CEP112: variants seen among roughly 807,000 people sequenced by gnomAD.
CEP112 encodes the protein centrosomal protein of 112 kDa.
Under a neutral mutation model 153.0 loss-of-function variants are expected in CEP112, and 127 were observed. The ratio of observed to expected loss-of-function variants is 0.83; its 90% CI spans 0.72 to 0.96. The LOEUF is 0.96. Ranked by LOEUF, CEP112 falls within the 40% of genes least tolerant of loss-of-function variation. CEP112 has a pLI of 0.00. For synonymous variants in CEP112, 358 were observed against 374.4 expected (o/e 0.96, Z 0.51); for missense variants, 1,089 against 1,101.2 (o/e 0.99, Z 0.16).
intron 4 of CEP112, among the ~76,000 whole-genome samples, chr17:66,163,406 T>C (rs2071797280): frequency 6.6e-6 from 1 of 152,182 alleles, no homozygotes; most frequent in Admixed American, 6.5e-5. Context: ...CAGTCTTCTT[T>C]GGGTATATTA....
intron 24 of CEP112, among the ~76,000 whole-genome samples, chr17:65,674,030 C>T (rs2047107340): frequency 6.6e-6 from 1 of 152,136 alleles, no homozygotes; most frequent in African/African-American, 2.4e-5. Flanking sequence ...GCGTGCGCCA[C>T]CAAGCCCAGC....
chr17:66,136,172 A>G (rs1414422288), intron 4 of CEP112, among the ~76,000 whole-genome samples: 3 of 152,192 alleles, frequency 2.0e-5, no homozygotes, highest in Admixed American at 6.5e-5. Context: ...TAGCTGTGAC[A>G]GGAAAGGGTC....
chr17:65,974,709 T>C (rs1286765198), intron 17 of CEP112, among the ~76,000 whole-genome samples: 3 of 152,164 alleles, frequency 2.0e-5, no homozygotes, highest in Middle Eastern at 3.2e-3. Context: ...AAGCAATGTG[T>C]ACAAAAGTAT....
intron 16 of CEP112, among the ~76,000 whole-genome samples, chr17:66,023,333 C>T (rs561719766): frequency 6.6e-6 from 1 of 152,008 alleles, no homozygotes; most frequent in Non-Finnish European, 1.5e-5. Context: ...CATCTAGTCA[C>T]CTATTAAGAA....
chr17:65,965,719 G>C (rs775646030), intron 17 of CEP112, among the ~76,000 whole-genome samples: 3 of 151,712 alleles, frequency 2.0e-5, no homozygotes, highest in African/African-American at 4.8e-5. Flanking sequence ...ATGGGGTTTT[G>C]TCAAGTTGCC....
Position 65,721,214 on chromosome 17 carries a change from GTT to G in CEP112, c.2607+21852_2607+21853del, listed in dbSNP as rs140313674. On this transcript the variant is annotated intron_variant, in intron 23 of 26. Coordinates refer to ENST00000535342, the MANE Select transcript of CEP112 (RefSeq NM_001199165.4). Reference sequence around the variant, plus strand: ...TTTAGTAGAGACGGGGTCTCACCGTGTTAACCAGGATGGTCTCGATCTCCTGA... The same window carrying G: ...TTTAGTAGAGACGGGGTCTCACCGTGAACCAGGATGGTCTCGATCTCCTGA... 3.6e-3 allele frequency among the ~76,000 whole-genome samples: 546 copies of G among 152,204 alleles called. 5 individuals carry two copies. Among genetic ancestry groups the G allele is most frequent in the African/African-American group, 0.013 (529 of 41,538 alleles).
intron 21 of CEP112, among the ~76,000 whole-genome samples, chr17:65,847,867 A>C (rs2057784476): frequency 6.6e-6 from 1 of 152,192 alleles, no homozygotes; most frequent in Non-Finnish European, 1.5e-5. Flanking sequence ...CCATTGAAAA[A>C]ATCATGTGGA....
chr17:65,658,568 G>C (rs2046180711), intron 24 of CEP112, among the ~76,000 whole-genome samples: 1 of 152,134 alleles, frequency 6.6e-6, no homozygotes, highest in South Asian at 2.1e-4. Flanking sequence ...GTATGTTTGG[G>C]GGTTTGCATT....
chr17:66,074,145 T>C (rs183199466), intron 8 of CEP112, among the ~76,000 whole-genome samples: 1 of 151,992 alleles, frequency 6.6e-6, no homozygotes, highest in African/African-American at 2.4e-5. Flanking sequence ...TAGATGGAAA[T>C]TATAAAAAGG....
intron 1 of CEP112, among the ~76,000 whole-genome samples, chr17:66,185,044 G>A (rs957710001): frequency 6.6e-6 from 1 of 152,112 alleles, no homozygotes; most frequent in Non-Finnish European, 1.5e-5. Context: ...TAGGCATAAA[G>A]AACAGATCAG....
chr17:65,816,060 A>ATT (rs764624553), intron 21 of CEP112, among the ~76,000 whole-genome samples: 2 of 152,068 alleles, frequency 1.3e-5, no homozygotes, highest in Non-Finnish European at 2.9e-5. Context: ...CTTGTTACCA[A>ATT]TCTTGGGAAA....
chr17:65,698,038 G>C (rs1027321908), intron 23 of CEP112, among the ~76,000 whole-genome samples: 2 of 150,846 alleles, frequency 1.3e-5, no homozygotes, highest in African/African-American at 4.9e-5. Context: ...CAGGTTTTCA[G>C]TTTTTTTTCA....
rs72490415 is a variant in CEP112 at position 65,969,944 on chromosome 17, A to G, written c.1737-8346T>C. 6.6e-5 allele frequency among the ~76,000 whole-genome samples: 10 copies of G among 152,322 alleles called. No individual in the cohort carries two copies. In the East Asian group the frequency reaches 1.5e-3, roughly 24 times the overall value. On this transcript the variant is annotated intron_variant, in intron 17 of 26. Transcript: ENST00000535342. The stretch of plus-strand genomic sequence containing the variant: ...TATCACATGCGCTACAGGCATGCAT[A>G]TCACAGGTATATTAAATGTATGTAT...
At chr17:66,175,546 C>T (rs1484252606) in intron 3 of CEP112, among the ~76,000 whole-genome samples, 1 of 152,054 alleles carries the variant, frequency 6.6e-6, no homozygotes, top group Non-Finnish European at 1.5e-5. Flanking sequence ...TATGTGCCAT[C>T]CTATCTCTTT....
chr17:65,805,384 A>C (rs1464947832), intron 21 of CEP112, among the ~76,000 whole-genome samples: 1 of 152,212 alleles, frequency 6.6e-6, no homozygotes, highest in East Asian at 1.9e-4. Context: ...CAAAAGCATA[A>C]AGTAACAACT....
chr17:66,155,934 G>A (rs2146718225), intron 4 of CEP112, among the ~76,000 whole-genome samples: 1 of 152,314 alleles, frequency 6.6e-6, no homozygotes, highest in Non-Finnish European at 1.5e-5. Flanking sequence ...GCACCTGGGG[G>A]AAGGGGCGGC....
chr17:65,822,305 G>A (rs752754971), intron 21 of CEP112, among the ~76,000 whole-genome samples: 4 of 152,032 alleles, frequency 2.6e-5, no homozygotes, highest in Non-Finnish European at 4.4e-5. Context: ...GTCTTCCTTA[G>A]GTACCCACAG....
chr17:66,091,217 C>A (rs2068119010), intron 8 of CEP112, among the ~76,000 whole-genome samples: 1 of 152,052 alleles, frequency 6.6e-6, no homozygotes, highest in African/African-American at 2.4e-5. Flanking sequence ...ACAAAATGTA[C>A]CATTCAGTGG....
chr17:66,031,578 CT>C (rs1474869887), intron 12 of CEP112, among the ~76,000 whole-genome samples: 1 of 150,840 alleles, frequency 6.6e-6, no homozygotes, highest in Admixed American at 6.6e-5. Flanking sequence ...CCCACCTCAG[CT>C]TCCTGAGCAG....
Sources: gnomAD v4.1 joint callset for allele counts (sites outside exome capture counted in the v4.1 genomes callset) on GRCh38, gnomAD v4.1.1 for gene constraint, MANE v1.5 for transcripts, NCBI Gene and HGNC (gene_info 2026-07-23, HGNC 2026-07-21) for gene names.